Variants in FGD5 observed in about 807,000 individuals in gnomAD.
FGD5 encodes FYVE, RhoGEF and PH domain-containing protein 5.
A neutral mutation model predicts 133.4 loss-of-function variants in FGD5; 28 were observed. That is an observed-to-expected ratio of 0.21 (90% CI 0.16 to 0.29). FGD5 has a LOEUF of 0.29. Ranked by LOEUF, FGD5 falls within the 10% of genes least tolerant of loss-of-function variation. FGD5 has a pLI of 1.00. For synonymous variants in FGD5, 810 were observed against 776.5 expected (o/e 1.04, Z -0.72); for missense variants, 1,858 against 1,895.2 (o/e 0.98, Z 0.36).
Position 14,819,598 on chromosome 3 carries a change from G to A in FGD5, c.527G>A (p.Cys176Tyr), listed in dbSNP as rs1257879909. 3.9e-6 allele frequency: 6 copies of A among 1,551,370 alleles called. No homozygotes were observed. The highest frequency in any genetic ancestry group is 3.9e-5 in the Admixed American group (2 of 50,984). The change falls in exon 1 of 20, where the codon TGC becomes TAC. Residue 176 changes from cysteine (C) to tyrosine (Y), a missense_variant. Coordinates refer to ENST00000285046, the MANE Select transcript of FGD5 (RefSeq NM_152536.4). The surrounding 1 kb of genome is among the most constrained non-coding windows in gnomAD (Gnocchi z 4.1). ...AAGCTAGTGCAGCCACACAGGGAGTGCAGCCTGGAGGACAGTGGGCCTTGG... is the reference window on the plus strand; with the variant it reads ...AAGCTAGTGCAGCCACACAGGGAGTACAGCCTGGAGGACAGTGGGCCTTGG... ...EEKLVQPHRE[C>Y]SLEDSGPWAG...
chr3:14,886,883 G>C (rs1443640185), intron 4 of FGD5, among the ~76,000 whole-genome samples: 2 of 152,162 alleles, frequency 1.3e-5, no homozygotes, highest in South Asian at 2.1e-4. Flanking sequence ...ATCCCATTGT[G>C]GTTGGAAAAC....
At position 14,819,408 on chromosome 3, in the gene FGD5, G is replaced by A. The variant is rs1425918585; in HGVS notation, c.337G>A (p.Gly113Ser). The A allele has an allele frequency of 1.3e-6, 2 of 1,550,174 alleles. No individual in the cohort carries two copies. The highest frequency in any genetic ancestry group is 2.4e-5 in the East Asian group (1 of 40,912). Residue 113 changes from glycine (G) to serine (S), a missense_variant, in exon 1 of 20, where the codon GGT becomes AGT. Coordinates refer to ENST00000285046, the MANE Select transcript of FGD5 (RefSeq NM_152536.4). This position sits in a 1 kb window ranked among gnomAD's most constrained non-coding sequence, Gnocchi z 4.1. ...EEGGEACGLE[G>S]TGAGEDSVAP... Reference sequence around the variant, plus strand: ...GGGAGGCGAGGCATGTGGCCTGGAGGGTACAGGAGCTGGTGAGGATTCAGT... The same window carrying A: ...GGGAGGCGAGGCATGTGGCCTGGAGAGTACAGGAGCTGGTGAGGATTCAGT...
intron 18 of FGD5, chr3:14,930,871 CATTT>C (rs2038889831): frequency 6.6e-6 from 1 of 152,006 alleles, no homozygotes; most frequent in Non-Finnish European, 1.5e-5. Flanking sequence ...TTGTGAATGG[CATTT>C]ATTTTATTTT....
chr3:14,874,693 A>G (rs138714156), intron 2 of FGD5, among the ~76,000 whole-genome samples: 3 of 152,318 alleles, frequency 2.0e-5, no homozygotes, highest in African/African-American at 7.2e-5. Context: ...AGGAGTAGAA[A>G]TCAGGCCTCC....
intron 1 of FGD5, among the ~76,000 whole-genome samples, chr3:14,855,865 A>T (rs1244051512): frequency 6.6e-6 from 1 of 152,030 alleles, no homozygotes; most frequent in East Asian, 1.9e-4. Context: ...TGCTGTACAG[A>T]TGCTTTGTTG....
In FGD5 at chr3:14,819,412, C is replaced by T. The variant is rs1439870306; in HGVS notation, c.341C>T (p.Thr114Ile). The change falls in exon 1 of 20, where the codon ACA becomes ATA. Residue 114 changes from threonine (T) to isoleucine (I), a missense_variant. Coordinates refer to ENST00000285046, the MANE Select transcript of FGD5 (RefSeq NM_152536.4). This position sits in a 1 kb window ranked among gnomAD's most constrained non-coding sequence, Gnocchi z 4.1. ...GGCGAGGCATGTGGCCTGGAGGGTA[C>T]AGGAGCTGGTGAGGATTCAGTGGCC... ...EGGEACGLEGTGAGEDSVAPA... is the reference protein window; with the variant it reads ...EGGEACGLEGIGAGEDSVAPA... The T allele has an allele frequency of 6.5e-7, 1 of 1,550,032 alleles. No individual in the cohort carries two copies. The highest frequency in any genetic ancestry group is 8.7e-7 in the Non-Finnish European group (1 of 1,146,218).
chr3:14,896,575 A>G (rs58804780), intron 4 of FGD5, among the ~76,000 whole-genome samples: 1 of 151,832 alleles, frequency 6.6e-6, no homozygotes, highest in African/African-American at 2.4e-5. Context: ...GGTTCAAGCG[A>G]TTCTCGTGCC....
At chr3:14,821,671 A>G (rs1033575317) in intron 1 of FGD5, 75 bp downstream of exon 1, 2 of 1,444,444 alleles carry the variant, frequency 1.4e-6, no homozygotes, top group Admixed American at 2.8e-5. Context: ...TGGGGGACAG[A>G]TGGACTTGCT....
chr3:14,832,117 G>A (rs905647723), intron 1 of FGD5, among the ~76,000 whole-genome samples: 1 of 152,158 alleles, frequency 6.6e-6, no homozygotes, highest in African/African-American at 2.4e-5. Flanking sequence ...TTTCTCACCT[G>A]TACAAGTGGT....
Position 14,898,845 on chromosome 3 carries a change from C to T in FGD5, c.3154+19C>T, listed in dbSNP as rs765217029. ...CTCACAGGTGGGCCCCACAGGAGAT[C>T]AATGGGGACTGAGGCGGCAGGGCAG... On this transcript the variant is annotated intron_variant, in intron 7 of 19. Transcript: ENST00000285046. 107 of 1,564,026 alleles carry T rather than the reference C, an allele frequency of 6.8e-5. 1 individual carries two copies. Among genetic ancestry groups the T allele is most frequent in the Non-Finnish European group, 8.8e-5 (102 of 1,154,828 alleles).
In FGD5 at chr3:14,932,595, A is replaced by G; in HGVS notation, c.4216A>G (p.Ser1406Gly). ...MASEDKVALESMPLLGFTIAP... is the reference protein window; with the variant it reads ...MASEDKVALEGMPLLGFTIAP... The stretch of plus-strand genomic sequence containing the variant: ...TCTGCAGGACAAAGTGGCCTTGGAG[A>G]GTATGCCTCTGCTAGGCTTCACCAT... Residue 1406 changes from serine to glycine, a missense_variant, in exon 19 of 20, where the codon AGT (serine) becomes GGT (glycine). Transcript: ENST00000285046. 6.2e-7 allele frequency: 1 copy of G among 1,613,688 alleles called. No homozygotes were observed. The highest frequency in any genetic ancestry group is 1.1e-5 in the South Asian group (1 of 91,042).
chr3:14,819,316 G>T lies in FGD5; in HGVS notation c.245G>T (p.Gly82Val). 1 of 1,537,108 alleles carries T rather than the reference G, an allele frequency of 6.5e-7. No homozygotes were observed. Among genetic ancestry groups the T allele is most frequent in the Non-Finnish European group, 8.8e-7 (1 of 1,139,574 alleles). ...PLREDEPKDE[G>V]SVGNKALVSP... The stretch of plus-strand genomic sequence containing the variant: ...AGGGAGGATGAACCCAAGGACGAGG[G>T]CAGTGTGGGGAACAAAGCCCTGGTG... The change falls in exon 1 of 20, where the codon GGC becomes GTC. Residue 82 changes from glycine to valine, a missense_variant. By Grantham distance (109) the Gly-to-Val change is moderately radical (BLOSUM62 -3). This residue lies in a region of FGD5 where 1,824 missense variants were observed against 1,848.9 expected (regional missense o/e 0.99). Transcript: ENST00000285046. This position sits in a 1 kb window ranked among gnomAD's most constrained non-coding sequence, Gnocchi z 4.1.
chr3:14,933,390 A>C lies in FGD5; in HGVS notation c.*223A>C, dbSNP rs1575270591. ...GGACCTCTCCTTTTCTGTGTTTTCC[A>C]CCCCTACCCCCACCCGCCACCCAGT... On this transcript the variant is annotated 3_prime_UTR_variant, in exon 20 of 20. Transcript: ENST00000285046. The C allele has an allele frequency of 1.8e-6, 1 of 562,262 alleles. No homozygotes were observed. The highest frequency in any genetic ancestry group is 3.2e-6 in the Non-Finnish European group (1 of 314,356). The allele number at this position is 562,262 out of a possible 1,614,324, so 34.8% of individuals were successfully genotyped here.
chr3:14,924,938 A>G (rs906278790), intron 17 of FGD5, among the ~76,000 whole-genome samples: 10 of 151,896 alleles, frequency 6.6e-5, no homozygotes, highest in Admixed American at 6.6e-4. Context: ...CATCTCTACT[A>G]AAAATACAAA....
intron 9 of FGD5, among the ~76,000 whole-genome samples, chr3:14,906,198 G>T (rs2038337810): frequency 6.6e-6 from 1 of 152,190 alleles, no homozygotes; most frequent in African/African-American, 2.4e-5. Flanking sequence ...GCAGGCTACT[G>T]CCCTGTGTTA....
At chr3:14,913,200 T>C (rs2038485493) in intron 11 of FGD5, among the ~76,000 whole-genome samples, 2 of 152,102 alleles carry the variant, frequency 1.3e-5, no homozygotes, top group Non-Finnish European at 2.9e-5. Flanking sequence ...CCCAGGAAAG[T>C]GGAAAGACTG....
chr3:14,919,102 A>G (rs2038621390), intron 13 of FGD5, among the ~76,000 whole-genome samples: 1 of 152,206 alleles, frequency 6.6e-6, no homozygotes, highest in African/African-American at 2.4e-5. Context: ...AAATATGGCA[A>G]TAGCAATGTC....
chr3:14,891,536 G>T (rs966902495), intron 4 of FGD5, among the ~76,000 whole-genome samples: 3 of 152,196 alleles, frequency 2.0e-5, no homozygotes, highest in African/African-American at 4.8e-5. Context: ...TCACGTTGGG[G>T]CTAGAGGTTT....
chr3:14,854,437 A>ATTGATTGATT (rs1553625431), intron 1 of FGD5, among the ~76,000 whole-genome samples: 6 of 148,298 alleles, frequency 4.0e-5, no homozygotes, highest in African/African-American at 7.5e-5. Context: ...TTATTTATTG[A>ATTGATTGATT]GACGAGCTCA....
Sources: allele counts gnomAD v4.1 joint callset (sites outside exome capture counted in the v4.1 genomes callset), GRCh38; gene constraint gnomAD v4.1.1; regional missense constraint gnomAD v4.1.1; non-coding constraint Gnocchi (gnomAD v3.1); transcripts MANE v1.5; gene names NCBI Gene and HGNC (gene_info 2026-07-23, HGNC 2026-07-21).